Variants in PTPRD observed in about 807,000 individuals in gnomAD.
PTPRD encodes receptor-type tyrosine-protein phosphatase delta.
PTPRD carries 34 observed loss-of-function variants against 214.5 expected under a neutral mutation model. The ratio of observed to expected loss-of-function variants is 0.16; its 90% CI spans 0.12 to 0.21. The LOEUF (loss-of-function observed/expected upper bound fraction) is 0.21. Among genes scored for constraint, PTPRD ranks in the 10% least tolerant of loss-of-function variants. The probability of loss-of-function intolerance (pLI) is 1.00; values close to 1 mark genes in which losing one functional copy is unlikely to be tolerated. For synonymous variants in PTPRD, 1,128 were observed against 845.7 expected (o/e 1.33, Z -5.79); for missense variants, 2,545 against 2,398.7 (o/e 1.06, Z -1.27).
In PTPRD at chr9:10,286,472, T is replaced by A. The variant is rs1357848323; in HGVS notation, c.-545+54491A>T. 2.6e-5 allele frequency among the ~76,000 whole-genome samples: 4 copies of A among 151,602 alleles called. No homozygotes were observed. In the East Asian group the frequency reaches 5.8e-4, roughly 22 times the overall value. ...AAATACATTTAAAAAAATTAAAAAT[T>A]AAAAAAAAATTAAATCTCTGATGCA... is the stretch of plus-strand genomic sequence containing the variant. On this transcript the variant is annotated intron_variant, in intron 3 of 45. Coordinates refer to ENST00000381196, the MANE Select transcript of PTPRD (RefSeq NM_002839.4).
chr9:10,017,802 A>AATTT (rs1567119460), intron 4 of PTPRD, among the ~76,000 whole-genome samples: 1 of 152,134 alleles, frequency 6.6e-6, no homozygotes, highest in East Asian at 1.9e-4. Flanking sequence ...TGGGAGAATT[A>AATTT]ATTTTTCAAG....
chr9:10,336,976 C>T (rs1423143605), intron 3 of PTPRD, among the ~76,000 whole-genome samples: 2 of 151,642 alleles, frequency 1.3e-5, no homozygotes, highest in African/African-American at 2.4e-5. Flanking sequence ...CATTCAAGGT[C>T]GTAGTCAAGG....
chr9:9,370,182 A>G (rs1243702109), intron 9 of PTPRD, among the ~76,000 whole-genome samples: 1 of 152,040 alleles, frequency 6.6e-6, no homozygotes, highest in Non-Finnish European at 1.5e-5. Flanking sequence ...ATGGCATTGA[A>G]TCTATAAATT....
intron 5 of PTPRD, among the ~76,000 whole-genome samples, chr9:9,815,962 A>C (rs968146450): frequency 6.6e-6 from 1 of 152,172 alleles, no homozygotes; most frequent in Non-Finnish European, 1.5e-5. Context: ...TTTTTAAGTG[A>C]AAGTGTGGAG....
At chr9:9,522,922 A>G (rs544392847) in intron 8 of PTPRD, among the ~76,000 whole-genome samples, 17 of 152,170 alleles carry the variant, frequency 1.1e-4, no homozygotes, top group Non-Finnish European at 2.2e-4. Flanking sequence ...GCTGCTTTGC[A>G]CAGAAGATTT....
chr9:10,302,211 A>T (rs188917372), intron 3 of PTPRD, among the ~76,000 whole-genome samples: 99 of 152,350 alleles, frequency 6.5e-4, no homozygotes, highest in Admixed American at 1.2e-3. Flanking sequence ...TAGGCAAGCA[A>T]ATGCTGAGAG....
intron 9 of PTPRD, among the ~76,000 whole-genome samples, chr9:9,368,086 G>A (rs2058382351): frequency 6.6e-6 from 1 of 151,738 alleles, no homozygotes; most frequent in African/African-American, 2.4e-5. Flanking sequence ...ATTTCAGTGT[G>A]TACATTTTAT....
In PTPRD at chr9:9,082,581, G is replaced by T. The variant is rs949720918; in HGVS notation, c.-142-63846C>A. 5.0e-4 allele frequency among the ~76,000 whole-genome samples: 76 copies of T among 152,104 alleles called. 1 individual carries two copies. Among genetic ancestry groups the T allele is most frequent in the Non-Finnish European group, 5.9e-5 (4 of 68,024 alleles). On this transcript the variant is annotated intron_variant, in intron 10 of 45. Transcript: ENST00000381196. ...ATCAGGCAAGAGAAAGAAATAAAGG[G>T]TATTCAATTAGAAAAGAGGAAGTCA...
At chr9:8,747,005 T>G (rs537859219) in intron 11 of PTPRD, among the ~76,000 whole-genome samples, 3 of 152,246 alleles carry the variant, frequency 2.0e-5, no homozygotes, top group Admixed American at 6.5e-5. Context: ...GGAAGAGAAG[T>G]GCAGGGAATG....
intron 10 of PTPRD, among the ~76,000 whole-genome samples, chr9:9,080,809 T>C (rs2099757900): frequency 6.6e-6 from 1 of 152,168 alleles, no homozygotes. Context: ...TATTCTCTGA[T>C]GGTAGTTTGT....
At chr9:10,302,634 C>G (rs1475953114) in intron 3 of PTPRD, among the ~76,000 whole-genome samples, 1 of 152,136 alleles carries the variant, frequency 6.6e-6, no homozygotes, top group Non-Finnish European at 1.5e-5. Context: ...ATAAAACAGA[C>G]TTTAAAACAA....
intron 8 of PTPRD, among the ~76,000 whole-genome samples, chr9:9,495,543 C>G (rs2096138609): frequency 6.8e-6 from 1 of 147,662 alleles, no homozygotes; most frequent in South Asian, 2.1e-4. Context: ...GGAGAGACAG[C>G]TGGACCTCAG....
chr9:9,861,510 T>C (rs543612251), intron 5 of PTPRD, among the ~76,000 whole-genome samples: 1 of 152,330 alleles, frequency 6.6e-6, no homozygotes, highest in African/African-American at 2.4e-5. Context: ...CAGGATGGTC[T>C]CAATCTCATG....
At chr9:10,590,578 G>A (rs1567097236) in intron 2 of PTPRD, among the ~76,000 whole-genome samples, 1 of 151,892 alleles carries the variant, frequency 6.6e-6, no homozygotes, top group Non-Finnish European at 1.5e-5. Context: ...TATATAATAT[G>A]TTGTCTCTGG....
At chr9:9,202,290 C>A (rs2132345890) in intron 9 of PTPRD, among the ~76,000 whole-genome samples, 1 of 152,248 alleles carries the variant, frequency 6.6e-6, no homozygotes, top group Non-Finnish European at 1.5e-5. Flanking sequence ...ACAGATTAAC[C>A]CGAAGTCCCT....
In PTPRD at chr9:10,425,440, A is replaced by C. The variant is rs1045234789; in HGVS notation, c.-599-84423T>G. 3.3e-5 allele frequency among the ~76,000 whole-genome samples: 5 copies of C among 151,942 alleles called. No homozygotes were observed. In the East Asian group the frequency reaches 7.8e-4, roughly 24 times the overall value. ...AAAACATAGAGCAACCTTTCTCTCT[A>C]TCTCTCTCCCCCTGTGCTCTATTTA... On this transcript the variant is annotated intron_variant, in intron 2 of 45. Transcript: ENST00000381196.
At chr9:8,486,988 A>T (rs1423240854) in intron 27 of PTPRD, among the ~76,000 whole-genome samples, 1 of 145,962 alleles carries the variant, frequency 6.9e-6, no homozygotes, top group Non-Finnish European at 1.6e-5. Flanking sequence ...ATGTTGCTTA[A>T]AAGTTTAAAA....
intron 2 of PTPRD, among the ~76,000 whole-genome samples, chr9:10,550,763 C>G (rs2061161143): frequency 6.6e-6 from 1 of 152,224 alleles, no homozygotes; most frequent in Admixed American, 6.5e-5. Flanking sequence ...AAAGAACTAT[C>G]TATCTCAGCT....
intron 4 of PTPRD, among the ~76,000 whole-genome samples, chr9:9,959,749 G>A (rs1053299774): frequency 1.3e-5 from 2 of 152,152 alleles, no homozygotes; most frequent in Non-Finnish European, 2.9e-5. Flanking sequence ...CTACATGAAT[G>A]TATTGGAATG....
Sources: gnomAD v4.1 joint callset for allele counts (sites outside exome capture counted in the v4.1 genomes callset) on GRCh38, gnomAD v4.1.1 for gene constraint, MANE v1.5 for transcripts, NCBI Gene and HGNC (gene_info 2026-07-23, HGNC 2026-07-21) for gene names.